ZNF516: variants seen among roughly 807,000 people sequenced by gnomAD.
The protein encoded by ZNF516 is zinc finger protein 516.
Under a neutral mutation model 79.7 loss-of-function variants are expected in ZNF516, and 19 were observed. The ratio of observed to expected loss-of-function variants is 0.24; its 90% CI spans 0.17 to 0.35. The LOEUF is 0.35. Ranked by LOEUF, ZNF516 falls within the 10% of genes least tolerant of loss-of-function variation. The pLI is 1.00. For synonymous variants in ZNF516, 877 were observed against 739.5 expected (o/e 1.19, Z -3.02); for missense variants, 1,678 against 1,679.5 (o/e 1.00, Z 0.02).
In ZNF516 at chr18:76,371,582, G is replaced by A. The variant is rs912490472; in HGVS notation, c.3260-11C>T. 17 of 1,606,286 alleles carry A rather than the reference G, an allele frequency of 1.1e-5. No homozygotes were observed. The highest frequency in any genetic ancestry group is 4.0e-5 in the African/African-American group (3 of 74,862). ...GCGTCCGGAGTGTCCCTGCGGTGGC[G>A]AGGTGGTGGTGGTGGCAGGGCCGTG... On this transcript the variant is annotated splice_polypyrimidine_tract_variant and intron_variant, in intron 4 of 6. Coordinates refer to ENST00000443185, the MANE Select transcript of ZNF516 (RefSeq NM_014643.4).
At chr18:76,390,327 G>T (rs776129275) in intron 3 of ZNF516, among the ~76,000 whole-genome samples, 1 of 152,198 alleles carries the variant, frequency 6.6e-6, no homozygotes, top group Non-Finnish European at 1.5e-5. Context: ...TGTCTGTAAT[G>T]AAATCCACAA....
intron 3 of ZNF516, among the ~76,000 whole-genome samples, chr18:76,435,091 T>C (rs1437115277): frequency 1.3e-5 from 2 of 152,182 alleles, no homozygotes; most frequent in Non-Finnish European, 2.9e-5. Flanking sequence ...GGATACCTCT[T>C]AGTTCCCTCC....
chr18:76,448,123 A>G (rs1011717926), intron 2 of ZNF516, among the ~76,000 whole-genome samples: 2 of 152,258 alleles, frequency 1.3e-5, no homozygotes, highest in Non-Finnish European at 2.9e-5. Context: ...AAGAAAGGAC[A>G]AAATATAAAG....
chr18:76,483,729 ATT>A (rs1368114764), intron 1 of ZNF516, among the ~76,000 whole-genome samples: 1 of 151,988 alleles, frequency 6.6e-6, no homozygotes, highest in Non-Finnish European at 1.5e-5. Flanking sequence ...TACACTCTGT[ATT>A]TACTCTCTTA....
At chr18:76,476,058 T>C (rs1914155295) in intron 1 of ZNF516, among the ~76,000 whole-genome samples, 2 of 152,226 alleles carry the variant, frequency 1.3e-5, no homozygotes, top group Admixed American at 6.5e-5. Flanking sequence ...ATGGCCAAGA[T>C]GATGAAGACT....
Position 76,358,204 on chromosome 18 carries a change from T to C in ZNF516, c.*4294A>G, listed in dbSNP as rs1568220596. The C allele has an allele frequency of 6.6e-6, 1 of 152,242 alleles. No individual in the cohort carries two copies. The highest frequency in any genetic ancestry group is 1.5e-5 in the Non-Finnish European group (1 of 68,042). The allele number at this position is 152,242 out of a possible 1,614,324, so 9.4% of individuals were successfully genotyped here. On this transcript the variant is annotated 3_prime_UTR_variant, in exon 7 of 7. Coordinates refer to ENST00000443185, the MANE Select transcript of ZNF516 (RefSeq NM_014643.4). ...TCTTACAAATCTCAGAACTCCAAGATGTTTTTATTTATTTCAAATTCCAAT... is the reference window on the plus strand; with the variant it reads ...TCTTACAAATCTCAGAACTCCAAGACGTTTTTATTTATTTCAAATTCCAAT...
At chr18:76,487,852 C>G (rs550045819) in intron 1 of ZNF516, 5 of 826,058 alleles carry the variant, frequency 6.1e-6, no homozygotes, top group Non-Finnish European at 7.3e-6. Context: ...GATACATTCC[C>G]GTAATAGGCT....
intron 3 of ZNF516, 126 bp downstream of exon 3, chr18:76,441,119 G>C: frequency 7.4e-7 from 1 of 1,357,222 alleles, no homozygotes; most frequent in Non-Finnish European, 9.8e-7. Context: ...CATAGGCCTA[G>C]CTGAGTAAAG....
rs572752753 is a variant in ZNF516, at chr18:76,420,630, G to A, written c.1810+20615C>T. 7.2e-5 allele frequency among the ~76,000 whole-genome samples: 11 copies of A among 152,198 alleles called. No individual in the cohort carries two copies. The South Asian group carries it at 1.9e-3, about 26-fold the overall frequency. On this transcript the variant is annotated intron_variant, in intron 3 of 6. Transcript: ENST00000443185. ...GACAGATGATCAAAAAAACTTGCAG[G>A]TAAAAGCAATTCCTGTGGCTGTAAA...
chr18:76,407,990 T>C (rs1157350420), intron 3 of ZNF516, among the ~76,000 whole-genome samples: 2 of 152,240 alleles, frequency 1.3e-5, no homozygotes, highest in Non-Finnish European at 2.9e-5. Context: ...ACCCTCTTGG[T>C]GCAGCCCGCG....
chr18:76,433,923 C>T lies in ZNF516; in HGVS notation c.1810+7322G>A, dbSNP rs116138645. On this transcript the variant is annotated intron_variant, in intron 3 of 6. Transcript: ENST00000443185. ...CCCAGCTCCACAGGGGTGCACACCG[C>T]TCCATGGCATCACACCTCTCCTGGC... Among the ~76,000 whole-genome samples the T allele has an allele frequency of 8.1e-3, 1,237 of 152,302 alleles. 16 individuals are homozygous for T. Among genetic ancestry groups the T allele is most frequent in the African/African-American group, 0.027 (1,134 of 41,576 alleles).
intron 1 of ZNF516, among the ~76,000 whole-genome samples, chr18:76,466,550 G>A (rs536690491): frequency 3.3e-5 from 5 of 152,264 alleles, no homozygotes; most frequent in Admixed American, 3.3e-4. Flanking sequence ...TGGCACGGCC[G>A]GACCCAAGTG....
At chr18:76,481,039 G>A (rs1914495590) in intron 1 of ZNF516, among the ~76,000 whole-genome samples, 1 of 152,112 alleles carries the variant, frequency 6.6e-6, no homozygotes, top group Non-Finnish European at 1.5e-5. Context: ...CTGGAGTTTT[G>A]CAAATACAGA....
At chr18:76,392,264 C>T (rs2075084464) in intron 3 of ZNF516, among the ~76,000 whole-genome samples, 1 of 152,190 alleles carries the variant, frequency 6.6e-6, no homozygotes, top group African/African-American at 2.4e-5. Context: ...ACTCTAGGTT[C>T]CTAAATAGAT....
intron 1 of ZNF516, among the ~76,000 whole-genome samples, chr18:76,469,898 G>C (rs1199718497): frequency 1.3e-5 from 2 of 152,124 alleles, no homozygotes; most frequent in Non-Finnish European, 2.9e-5. Context: ...AAAAGTATAG[G>C]TTTTAAATGC....
At chr18:76,490,131 G>A (rs1915078476) in intron 1 of ZNF516, 9 of 983,878 alleles carry the variant, frequency 9.1e-6, no homozygotes, top group Non-Finnish European at 1.1e-5. Context: ...AAATATTTGT[G>A]AGTCTTACAC....
intron 6 of ZNF516, among the ~76,000 whole-genome samples, chr18:76,364,884 A>AT (rs2144884897): frequency 6.6e-6 from 1 of 152,372 alleles, no homozygotes; most frequent in South Asian, 2.1e-4. Flanking sequence ...ATTTTGGGTA[A>AT]TTCGCCAAGT....
At chr18:76,484,475 C>T (rs894015336) in intron 1 of ZNF516, among the ~76,000 whole-genome samples, 1 of 152,174 alleles carries the variant, frequency 6.6e-6, no homozygotes, top group Non-Finnish European at 1.5e-5. Flanking sequence ...GATATAACAC[C>T]GTGCTCTAAA....
At chr18:76,462,729 C>T (rs147098947) in intron 2 of ZNF516, among the ~76,000 whole-genome samples, 8 of 152,120 alleles carry the variant, frequency 5.3e-5, no homozygotes, top group Non-Finnish European at 5.9e-5. Flanking sequence ...GGACCCCCCA[C>T]CCCAGGAGCA....
Sources: allele counts gnomAD v4.1 joint callset (sites outside exome capture counted in the v4.1 genomes callset), GRCh38; gene constraint gnomAD v4.1.1; transcripts MANE v1.5; gene names NCBI Gene and HGNC (gene_info 2026-07-23, HGNC 2026-07-21).